The following MYOCD variants were observed in gnomAD, a reference collection of about 807,000 sequenced individuals.
MYOCD encodes the protein myocardin.
In MYOCD, 32 loss-of-function variants were observed where a neutral mutation model predicts 96.1. That is an observed-to-expected ratio of 0.33 (90% confidence interval 0.25 to 0.45). The LOEUF is 0.45. Ranked by LOEUF, MYOCD falls within the 20% of genes least tolerant of loss-of-function variation. The pLI is 1.00. For missense variants in MYOCD, 1,133 were observed against 1,200.6 expected (o/e 0.94, Z 0.83); for synonymous variants, 469 against 469.0 (o/e 1.00, Z 0.00).
chr17:12,736,168 G>A lies in MYOCD; in HGVS notation c.423G>A (p.Gln141=), dbSNP rs1468492. 5,620 of 1,613,982 alleles carry A rather than the reference G, an allele frequency of 3.5e-3. 242 individuals carry two copies. The Admixed American group carries it at 0.087, about 25-fold the overall frequency. Residue 141 remains glutamine (Q), a synonymous_variant, in exon 6 of 14, where the codon CAG becomes CAA. Transcript: ENST00000425538. ...SAVKEAIKGN[Q]VSFSKSTDAF... ...TGGATTTCACCCCCTCAGGTAACCA[G>A]GTGAGTTTCTCCAAATCCACGGATG...
At chr17:12,697,370 T>A (rs1198257920) in intron 1 of MYOCD, among the ~76,000 whole-genome samples, 8 of 132,940 alleles carry the variant, frequency 6.0e-5, no homozygotes, top group Non-Finnish European at 8.1e-5. Context: ...TTTTTTTTTT[T>A]TTTTTTTTTT....
At chr17:12,710,722 C>A (rs1471075976) in intron 2 of MYOCD, among the ~76,000 whole-genome samples, 1 of 152,134 alleles carries the variant, frequency 6.6e-6, no homozygotes, top group African/African-American at 2.4e-5. Flanking sequence ...CACACACTGT[C>A]GGCTGTCTGA....
chr17:12,721,873 G>C (rs945077876), intron 4 of MYOCD, among the ~76,000 whole-genome samples: 1 of 152,148 alleles, frequency 6.6e-6, no homozygotes, highest in Non-Finnish European at 1.5e-5. Flanking sequence ...CCATTCTTTG[G>C]TTTGGAGTAT....
chr17:12,700,866 A>G (rs1312409726), intron 1 of MYOCD, among the ~76,000 whole-genome samples: 1 of 152,172 alleles, frequency 6.6e-6, no homozygotes, highest in Non-Finnish European at 1.5e-5. Flanking sequence ...ATAGAAATTC[A>G]CCAGTAAGAC....
intron 2 of MYOCD, among the ~76,000 whole-genome samples, chr17:12,714,788 G>A (rs1322800562): frequency 6.6e-6 from 1 of 152,140 alleles, no homozygotes; most frequent in African/African-American, 2.4e-5. Flanking sequence ...CTGTATGACT[G>A]ACCAGTGCCT....
rs2033307319 is a variant in MYOCD at position 12,765,272 on chromosome 17, G to A, written c.*1628G>A. 6.8e-6 allele frequency: 1 copy of A among 146,148 alleles called. No homozygotes were observed. The highest frequency in any genetic ancestry group is 1.5e-5 in the Non-Finnish European group (1 of 66,440). 9.1% of individuals were successfully genotyped at this position (146,148 alleles called of 1,614,324 possible). A position where few individuals can be genotyped will look rare whatever the true frequency, so the allele number is the denominator to read the frequency against. ...AGAAAGGAGCTATTGCTGTTGTTTT[G>A]TTTTTTTATTTAAATCACTAAGGCA... On this transcript the variant is annotated 3_prime_UTR_variant, in exon 14 of 14. Coordinates refer to ENST00000425538, the MANE Select transcript of MYOCD (RefSeq NM_001146312.3).
At chr17:12,745,464 C>G (rs1424871167) in intron 8 of MYOCD, among the ~76,000 whole-genome samples, 1 of 152,168 alleles carries the variant, frequency 6.6e-6, no homozygotes, top group African/African-American at 2.4e-5. Context: ...CCGCCTCGGC[C>G]TCCCAAAGTG....
intron 2 of MYOCD, among the ~76,000 whole-genome samples, chr17:12,713,842 C>T (rs1427505939): frequency 1.3e-5 from 2 of 152,056 alleles, no homozygotes; most frequent in African/African-American, 2.4e-5. Context: ...GACAGCTGCA[C>T]GTTAATTTCT....
rs1476778047 is a variant in MYOCD, at chr17:12,753,300, G to C, written c.2012G>C (p.Gly671Ala). Residue 671 changes from glycine to alanine, a missense_variant, in exon 10 of 14, where the codon GGG becomes GCG. Transcript: ENST00000425538. ...TCATCCTCCGGGGCCCAGGGAGAAG[G>C]GCACAGGGTCTCCTCGCCCATCAGC... The part of the protein sequence containing the change: ...LPSSSGAQGE[G>A]HRVSSPISSQ... 7 of 1,611,864 alleles carry C rather than the reference G, an allele frequency of 4.3e-6. No individual in the cohort carries two copies. The highest frequency in any genetic ancestry group is 2.2e-5 in the East Asian group (1 of 44,892).
chr17:12,701,377 A>G (rs1298716549), intron 1 of MYOCD, among the ~76,000 whole-genome samples: 1 of 152,162 alleles, frequency 6.6e-6, no homozygotes, highest in Non-Finnish European at 1.5e-5. Context: ...GTGCCACTGC[A>G]CTCCAGCCTT....
intron 4 of MYOCD, chr17:12,720,315 C>G (rs1305937254): frequency 2.6e-5 from 4 of 152,108 alleles, no homozygotes; most frequent in Non-Finnish European, 4.4e-5. Flanking sequence ...TGCCACAAAC[C>G]GGAGACCCTT....
chr17:12,751,637 C>T (rs1029671485), intron 9 of MYOCD, among the ~76,000 whole-genome samples: 3 of 152,116 alleles, frequency 2.0e-5, no homozygotes, highest in South Asian at 2.1e-4. Flanking sequence ...CCATTTTAAC[C>T]CTCACAAAAA....
At position 12,704,425 on chromosome 17, in the gene MYOCD, C is replaced by T. The variant is rs374823748; in HGVS notation, c.56-703C>T. Among the ~76,000 whole-genome samples the T allele has an allele frequency of 2.0e-4, 30 of 152,062 alleles. No homozygotes were observed. In the South Asian group the frequency reaches 4.4e-3, roughly 22 times the overall value. ...GTATAATCTATTTGTGTTATAGATA[C>T]GTAATATTGGGAACATACTTATATT... On this transcript the variant is annotated intron_variant, in intron 1 of 13. Coordinates refer to ENST00000425538, the MANE Select transcript of MYOCD (RefSeq NM_001146312.3).
chr17:12,760,366 T>G, intron 12 of MYOCD: 2 of 381,034 alleles, frequency 5.2e-6, no homozygotes, highest in Non-Finnish European at 5.0e-6. Flanking sequence ...TGTGGGAAAT[T>G]ATGGTTGAAT....
At chr17:12,750,246 C>A (rs2150717336) in intron 9 of MYOCD, among the ~76,000 whole-genome samples, 1 of 152,260 alleles carries the variant, frequency 6.6e-6, no homozygotes, top group South Asian at 2.1e-4. Flanking sequence ...AACTGAATCA[C>A]CTGAGCTCTT....
intron 1 of MYOCD, among the ~76,000 whole-genome samples, chr17:12,683,262 G>T (rs534054663): frequency 1.3e-4 from 20 of 152,206 alleles, no homozygotes; most frequent in African/African-American, 4.8e-4. Flanking sequence ...CAAAAACTAG[G>T]ACTAGGAAGA....
intron 2 of MYOCD, among the ~76,000 whole-genome samples, chr17:12,710,324 G>C (rs889620686): frequency 6.6e-6 from 1 of 152,162 alleles, no homozygotes; most frequent in Non-Finnish European, 1.5e-5. Flanking sequence ...GTGGACTTGA[G>C]AGGACACGGG....
chr17:12,714,547 A>G (rs1287121771), intron 2 of MYOCD, among the ~76,000 whole-genome samples: 1 of 152,070 alleles, frequency 6.6e-6, no homozygotes, highest in East Asian at 1.9e-4. Flanking sequence ...CTGCTAATCA[A>G]CCTCATCACT....
chr17:12,698,235 G>A lies in MYOCD; in HGVS notation c.56-6893G>A, dbSNP rs966916696. Among the ~76,000 whole-genome samples the A allele has an allele frequency of 2.0e-5, 3 of 152,330 alleles. No homozygotes were observed. In the East Asian group the frequency reaches 5.8e-4, roughly 29 times the overall value. On this transcript the variant is annotated intron_variant, in intron 1 of 13. Transcript: ENST00000425538. Reference sequence around the variant, plus strand: ...TAAAAATAAGAAAAGAAAGATGTGAGATGGTTTAGTCTAGATCTGAACTGA... The same window carrying A: ...TAAAAATAAGAAAAGAAAGATGTGAAATGGTTTAGTCTAGATCTGAACTGA...
Sources: gnomAD v4.1 joint callset for allele counts (sites outside exome capture counted in the v4.1 genomes callset) on GRCh38, gnomAD v4.1.1 for gene constraint, MANE v1.5 for transcripts, NCBI Gene and HGNC (gene_info 2026-07-23, HGNC 2026-07-21) for gene names.